Variants in MYH11 observed in about 807,000 individuals in gnomAD.
MYH11 encodes myosin heavy chain 11.
MYH11 carries 80 observed loss-of-function variants against 246.6 expected under a neutral mutation model. That is an observed-to-expected ratio of 0.32 (90% CI 0.27 to 0.39). The LOEUF (loss-of-function observed/expected upper bound fraction) is 0.39, where lower values mean the gene tolerates loss of function less well. Ranked by LOEUF, MYH11 falls within the 10% of genes least tolerant of loss-of-function variation. The pLI is 1.00. For synonymous variants in MYH11, 1,071 were observed against 1,015.5 expected (o/e 1.05, Z -1.04); for missense variants, 2,158 against 2,546.8 (o/e 0.85, Z 3.29).
intron 10 of MYH11, 110 bp from the exon 11 acceptor site, chr16:15,760,768 G>A: frequency 9.6e-6 from 8 of 832,980 alleles, no homozygotes; most frequent in African/African-American, 1.7e-5. Context: ...TTCTCTTGGG[G>A]AAATGGGACC....
chr16:15,736,881 G>A (rs2041133691), intron 25 of MYH11, among the ~76,000 whole-genome samples: 2 of 152,166 alleles, frequency 1.3e-5, no homozygotes, highest in Admixed American at 1.3e-4. Context: ...ATTCATAGTG[G>A]CTGCTGCAGT....
At chr16:15,708,022 G>A (rs1004752490) in intron 40 of MYH11, among the ~76,000 whole-genome samples, 2 of 151,300 alleles carry the variant, frequency 1.3e-5, no homozygotes, top group African/African-American at 4.9e-5. Context: ...GCTTTCTTGG[G>A]AAGGGCCCTG....
intron 31 of MYH11, among the ~76,000 whole-genome samples, chr16:15,723,338 G>C (rs8047068): frequency 0.24 from 36,175 of 152,026 alleles, 4,920 homozygotes; most frequent in Admixed American, 0.34. Flanking sequence ...ATGATAGATA[G>C]AATTAGTCTT....
chr16:15,743,801 A>G (rs1373095462), intron 20 of MYH11, among the ~76,000 whole-genome samples: 1 of 152,146 alleles, frequency 6.6e-6, no homozygotes, highest in South Asian at 2.1e-4. Context: ...CAGGCACTCA[A>G]TGTCTGTTTG....
chr16:15,854,308 G>A (rs13335286), intron 1 of MYH11, among the ~76,000 whole-genome samples: 28,806 of 152,110 alleles, frequency 0.19, 3,353 homozygotes, highest in East Asian at 0.43. Context: ...AACCATCACT[G>A]AAGCTTACCA....
chr16:15,852,027 A>G (rs1596960846), intron 1 of MYH11, among the ~76,000 whole-genome samples: 1 of 152,222 alleles, frequency 6.6e-6, no homozygotes, highest in East Asian at 1.9e-4. Context: ...GAACCAGGCC[A>G]CATAGCAGGA....
intron 8 of MYH11, among the ~76,000 whole-genome samples, chr16:15,772,661 T>A (rs569400141): frequency 6.6e-6 from 1 of 152,204 alleles, no homozygotes; most frequent in South Asian, 2.1e-4. Flanking sequence ...AGGCCAAGGG[T>A]TCCCCAACCC....
intron 32 of MYH11, 117 bp downstream of exon 32, chr16:15,721,305 T>C (rs1457479164): frequency 8.0e-7 from 1 of 1,249,332 alleles, no homozygotes. Context: ...CCTCCTTCCA[T>C]TTCCGATGAT....
chr16:15,854,940 T>C (rs2044424243), intron 1 of MYH11, among the ~76,000 whole-genome samples: 1 of 150,612 alleles, frequency 6.6e-6, no homozygotes, highest in Non-Finnish European at 1.5e-5. Context: ...AGTTCTTCAA[T>C]GGGTGAGGGA....
intron 2 of MYH11, among the ~76,000 whole-genome samples, chr16:15,828,837 GAAGA>G (rs1304918554): frequency 2.6e-5 from 3 of 115,338 alleles, no homozygotes; most frequent in Admixed American, 7.4e-5. Flanking sequence ...AGAAAGAAAG[GAAGA>G]AAGAGAGATG....
At chr16:15,782,326 CCCAG>C in intron 6 of MYH11, 55 bp downstream of exon 6, 1 of 1,461,344 alleles carries the variant, frequency 6.8e-7, no homozygotes. Context: ...ACTCTGCAGC[CCCAG>C]GCAGGAGATG....
At chr16:15,770,269 C>T (rs1052394468) in intron 9 of MYH11, among the ~76,000 whole-genome samples, 15 of 152,164 alleles carry the variant, frequency 9.9e-5, no homozygotes, top group South Asian at 2.1e-4. Context: ...AAGTTATCTT[C>T]GGAGGAGCTG....
At chr16:15,729,960 A>G (rs1230456163) in intron 27 of MYH11, among the ~76,000 whole-genome samples, 1 of 152,122 alleles carries the variant, frequency 6.6e-6, no homozygotes, top group African/African-American at 2.4e-5. Flanking sequence ...TGCTGGGATT[A>G]TAAGCATGAG....
In MYH11 at chr16:15,721,396, G is replaced by C. The variant is rs369034509; in HGVS notation, c.4578+26C>G. 2.5e-6 allele frequency: 4 copies of C among 1,612,796 alleles called. No individual in the cohort carries two copies. The East Asian group carries it at 8.9e-5, about 36-fold the overall frequency. ...GAGGGTGGGCAGGCGAAACATGGAC[G>C]AGAAAAACCACCCAGAGCCACTTAC... On this transcript the variant is annotated intron_variant, in intron 32 of 40. Coordinates refer to ENST00000300036, the MANE Select transcript of MYH11 (RefSeq NM_002474.3).
chr16:15,774,798 G>A (rs12149912), intron 8 of MYH11, among the ~76,000 whole-genome samples: 70,636 of 151,954 alleles, frequency 0.46, 16,839 homozygotes, highest in East Asian at 0.57. Context: ...TATCTTGGCC[G>A]AGCTGGTCTC....
At chr16:15,719,769 C>A in intron 34 of MYH11, 56 bp from the exon 35 acceptor site, 1 of 1,611,718 alleles carries the variant, frequency 6.2e-7, no homozygotes. Context: ...CCAAGTTCTG[C>A]TGCCCAGTTC....
intron 8 of MYH11, among the ~76,000 whole-genome samples, chr16:15,774,349 A>C (rs921373383): frequency 2.0e-5 from 3 of 152,228 alleles, no homozygotes; most frequent in African/African-American, 7.2e-5. Flanking sequence ...CATTTCTGGA[A>C]GACCAGAGGC....
chr16:15,798,692 A>G lies in MYH11; in HGVS notation c.503-5T>C, dbSNP rs1314533600. 1 of 1,612,646 alleles carries G rather than the reference A, an allele frequency of 6.2e-7. No individual in the cohort carries two copies. Among genetic ancestry groups the G allele is most frequent in the African/African-American group, 1.4e-5 (1 of 74,046 alleles). ...GAATGGACTGGTCCTCCCGATCTGCAAACAGAAAGAAGAAAAAAGAGCCAT... is the reference window on the plus strand; with the variant it reads ...GAATGGACTGGTCCTCCCGATCTGCGAACAGAAAGAAGAAAAAAGAGCCAT... On this transcript the variant is annotated splice_polypyrimidine_tract_variant and splice_region_variant and intron_variant, in intron 3 of 40. Coordinates refer to ENST00000300036, the MANE Select transcript of MYH11 (RefSeq NM_002474.3).
At chr16:15,706,887 C>G (rs1466737911) in intron 40 of MYH11, among the ~76,000 whole-genome samples, 2 of 152,152 alleles carry the variant, frequency 1.3e-5, no homozygotes, top group Non-Finnish European at 2.9e-5. Flanking sequence ...AAGCTCCTTG[C>G]TTGGCTGTCA....
Sources: allele counts gnomAD v4.1 joint callset (sites outside exome capture counted in the v4.1 genomes callset), GRCh38; gene constraint gnomAD v4.1.1; transcripts MANE v1.5; gene names NCBI Gene and HGNC (gene_info 2026-07-23, HGNC 2026-07-21).